Variants in SGSM1 observed in about 807,000 individuals in gnomAD.
SGSM1 encodes the protein small G protein signaling modulator 1.
A neutral mutation model predicts 133.8 loss-of-function variants in SGSM1; 73 were observed. That is an observed-to-expected ratio of 0.55 (90% CI 0.45 to 0.66). The LOEUF (loss-of-function observed/expected upper bound fraction) is 0.66, where lower values mean the gene tolerates loss of function less well. SGSM1 is among the 30% of genes least tolerant of loss of function. The probability of loss-of-function intolerance (pLI) is 0.00; values close to 1 mark genes in which losing one functional copy is unlikely to be tolerated. For synonymous variants in SGSM1, 563 were observed against 573.0 expected (o/e 0.98, Z 0.25); for missense variants, 1,213 against 1,448.1 (o/e 0.84, Z 2.64).
intron 4 of SGSM1, 65 bp from the exon 5 acceptor site, chr22:24,850,215 G>T: frequency 6.9e-7 from 1 of 1,443,926 alleles, no homozygotes; most frequent in East Asian, 2.5e-5. Flanking sequence ...TCTCCCATTT[G>T]CCAATTAGTC....
chr22:24,811,190 C>T (rs897541852), intron 2 of SGSM1, among the ~76,000 whole-genome samples: 1 of 152,086 alleles, frequency 6.6e-6, no homozygotes, highest in Non-Finnish European at 1.5e-5. Context: ...GGATGCTGCT[C>T]ACATTCCTGC....
At chr22:24,903,277 C>T (rs1259274183) in intron 20 of SGSM1, among the ~76,000 whole-genome samples, 3 of 150,828 alleles carry the variant, frequency 2.0e-5, no homozygotes, top group African/African-American at 4.9e-5. Context: ...GGTGCGATCT[C>T]GGCTCACTGC....
chr22:24,837,910 T>A (rs895532860), intron 2 of SGSM1, among the ~76,000 whole-genome samples: 3 of 152,238 alleles, frequency 2.0e-5, no homozygotes, highest in African/African-American at 7.2e-5. Context: ...TATAATCATA[T>A]CTAAGATCTA....
chr22:24,807,343 C>T (rs1927465878), intron 2 of SGSM1, among the ~76,000 whole-genome samples: 1 of 152,004 alleles, frequency 6.6e-6, no homozygotes, highest in Non-Finnish European at 1.5e-5. Flanking sequence ...CTGGAGATAC[C>T]TAAGTGTATC....
chr22:24,825,978 G>A (rs1002593165), intron 2 of SGSM1, among the ~76,000 whole-genome samples: 2 of 152,004 alleles, frequency 1.3e-5, no homozygotes, highest in African/African-American at 2.4e-5. Context: ...AGCTGGCCCG[G>A]GTGATTTTTA....
chr22:24,841,033 G>T (rs935021127), intron 2 of SGSM1, among the ~76,000 whole-genome samples: 2 of 151,960 alleles, frequency 1.3e-5, no homozygotes, highest in Non-Finnish European at 2.9e-5. Flanking sequence ...TGTATTTTTA[G>T]TAGAGACGGG....
At chr22:24,915,367 C>G (rs1933787817) in intron 22 of SGSM1, among the ~76,000 whole-genome samples, 1 of 152,208 alleles carries the variant, frequency 6.6e-6, no homozygotes, top group Non-Finnish European at 1.5e-5. Flanking sequence ...AATGCACATC[C>G]TCAGTTTTAT....
chr22:24,808,823 G>A (rs1927567856), intron 2 of SGSM1, among the ~76,000 whole-genome samples: 1 of 152,146 alleles, frequency 6.6e-6, no homozygotes, highest in African/African-American at 2.4e-5. Flanking sequence ...TCAAAGAGGG[G>A]GAATAACTTG....
chr22:24,882,011 G>C (rs180899473), intron 14 of SGSM1, among the ~76,000 whole-genome samples: 54 of 146,012 alleles, frequency 3.7e-4, no homozygotes, highest in Non-Finnish European at 5.8e-4. Context: ...TACTGACTTG[G>C]GGGGGGGCCT....
At chr22:24,886,766 C>G (rs1347763846) in intron 16 of SGSM1, 38 bp downstream of exon 16, 1 of 1,554,276 alleles carries the variant, frequency 6.4e-7, no homozygotes, top group South Asian at 1.2e-5. Context: ...TCTTTGGCAA[C>G]AAAAGGAGCC....
intron 16 of SGSM1, among the ~76,000 whole-genome samples, chr22:24,890,937 A>T (rs1932804718): frequency 6.6e-6 from 1 of 152,358 alleles, no homozygotes; most frequent in South Asian, 2.1e-4. Flanking sequence ...TAAGATTTAT[A>T]CAACTTATTT....
intron 21 of SGSM1, among the ~76,000 whole-genome samples, chr22:24,908,418 C>A (rs547413563): frequency 6.6e-6 from 1 of 152,214 alleles, no homozygotes; most frequent in East Asian, 1.9e-4. Context: ...GTGGAAAGAA[C>A]CCAAAGACTA....
At chr22:24,873,854 GA>G (rs923554619) in intron 12 of SGSM1, among the ~76,000 whole-genome samples, 141 of 144,314 alleles carry the variant, frequency 9.8e-4, no homozygotes, top group African/African-American at 2.5e-3. Context: ...CCCTGCCTCA[GA>G]AAAAAAAAAA....
At chr22:24,910,838 G>A (rs551784409) in intron 21 of SGSM1, among the ~76,000 whole-genome samples, 11 of 152,138 alleles carry the variant, frequency 7.2e-5, no homozygotes, top group South Asian at 4.2e-4. Context: ...CCAGCTACAC[G>A]GGAGGCTGCG....
At chr22:24,839,209 C>G (rs1458267073) in intron 2 of SGSM1, among the ~76,000 whole-genome samples, 1 of 152,152 alleles carries the variant, frequency 6.6e-6, no homozygotes, top group Non-Finnish European at 1.5e-5. Flanking sequence ...CACATGCCAC[C>G]ATGCCTGGCT....
At chr22:24,902,246 A>C (rs1038219277) in intron 20 of SGSM1, among the ~76,000 whole-genome samples, 1 of 152,214 alleles carries the variant, frequency 6.6e-6, no homozygotes, top group Non-Finnish European at 1.5e-5. Context: ...AGGCTCCAGG[A>C]AGAGCCTCAT....
intron 5 of SGSM1, among the ~76,000 whole-genome samples, chr22:24,851,100 CAAAAA>C (rs68153757): frequency 1.0e-5 from 1 of 95,780 alleles, no homozygotes; most frequent in Admixed American, 1.1e-4. Context: ...GACTCCATCT[CAAAAA>C]AAAAAAAAAA....
rs768962451 is a variant in SGSM1, at chr22:24,868,435, C to T, written c.1054C>T (p.Arg352Cys). The T allele has an allele frequency of 8.1e-6, 13 of 1,613,776 alleles. No individual in the cohort carries two copies. The highest frequency in any genetic ancestry group is 3.3e-5 in the South Asian group (3 of 91,082). ...SQDGIQRPPF[R>C]FPKGGHLLQF... Reference sequence around the variant, plus strand: ...GGACGGGATCCAGAGGCCGCCCTTCCGCTTCCCCAAGGGCGGGCACCTCCT... The same window carrying T: ...GGACGGGATCCAGAGGCCGCCCTTCTGCTTCCCCAAGGGCGGGCACCTCCT... Residue 352 changes from arginine (R) to cysteine (C), a missense_variant, in exon 11 of 25, where the codon CGC becomes TGC. Arg to Cys is a radical substitution (Grantham distance 180, BLOSUM62 -3). Transcript: ENST00000400358.
intron 16 of SGSM1, among the ~76,000 whole-genome samples, chr22:24,891,180 G>A (rs1449152475): frequency 2.6e-5 from 4 of 152,124 alleles, no homozygotes; most frequent in Admixed American, 6.5e-5. Context: ...GCAACATAGC[G>A]TGACCCCCAT....
Sources: allele counts gnomAD v4.1 joint callset (sites outside exome capture counted in the v4.1 genomes callset), GRCh38; gene constraint gnomAD v4.1.1; transcripts MANE v1.5; gene names NCBI Gene and HGNC (gene_info 2026-07-23, HGNC 2026-07-21).